KIT: variants seen among roughly 807,000 people sequenced by gnomAD.
The protein encoded by KIT is KIT proto-oncogene, receptor tyrosine kinase.
Under a neutral mutation model 105.7 loss-of-function variants are expected in KIT, and 16 were observed. The ratio of observed to expected loss-of-function variants is 0.15; its 90% CI spans 0.10 to 0.23. The LOEUF (loss-of-function observed/expected upper bound fraction) is 0.23, where lower values mean the gene tolerates loss of function less well. Among genes scored for constraint, KIT ranks in the 10% least tolerant of loss-of-function variants. The pLI, the probability that KIT is intolerant of heterozygous loss-of-function variation, is 1.00. For synonymous variants in KIT, 438 were observed against 441.1 expected (o/e 0.99, Z 0.09); for missense variants, 858 against 1,213.8 (o/e 0.71, Z 4.36).
intron 6 of KIT, 57 bp downstream of exon 6, chr4:54,707,344 T>C: frequency 8.3e-7 from 1 of 1,198,986 alleles, no homozygotes; most frequent in Non-Finnish European, 1.2e-6. Flanking sequence ...CCAGTGGGCT[T>C]ATCAGATCTT....
intron 7 of KIT, among the ~76,000 whole-genome samples, chr4:54,720,748 G>GT (rs1001596370): frequency 6.6e-6 from 1 of 152,160 alleles, no homozygotes; most frequent in African/African-American, 2.4e-5. Flanking sequence ...GGAAGTATGA[G>GT]TATTAAGGGA....
At chr4:54,722,849 ATAT>A (rs1721968910) in intron 7 of KIT, among the ~76,000 whole-genome samples, 1 of 142,792 alleles carries the variant, frequency 7.0e-6, no homozygotes, top group African/African-American at 2.6e-5. Flanking sequence ...ATATTTATAT[ATAT>A]TTTTATATAT....
chr4:54,732,019 A>T, intron 16 of KIT, 21 bp downstream of exon 16: 1 of 1,609,652 alleles, frequency 6.2e-7, no homozygotes, highest in South Asian at 1.1e-5. Context: ...GTGATTCTCT[A>T]AAGAGTTTTG....
At position 54,690,484 on chromosome 4, in the gene KIT, C is replaced by A. The variant is rs1408216447; in HGVS notation, c.68-5028C>A. Among the ~76,000 whole-genome samples the A allele has an allele frequency of 2.6e-5, 4 of 152,224 alleles. No homozygotes were observed. The East Asian group carries it at 5.8e-4, about 22-fold the overall frequency. On this transcript the variant is annotated intron_variant, in intron 1 of 20. Transcript: ENST00000288135. Reference sequence around the variant, plus strand: ...AATAAATAGTTCCCGGAGTTCCTAGCTTAAAGCCGTCATTCCTTATAGTGC... The same window carrying A: ...AATAAATAGTTCCCGGAGTTCCTAGATTAAAGCCGTCATTCCTTATAGTGC...
intron 1 of KIT, among the ~76,000 whole-genome samples, chr4:54,687,753 A>G (rs1484096312): frequency 6.6e-6 from 1 of 152,064 alleles, no homozygotes; most frequent in Admixed American, 6.6e-5. Context: ...CCTTGAATAC[A>G]CATAGAAACA....
At chr4:54,697,710 G>T (rs1203239014) in intron 2 of KIT, among the ~76,000 whole-genome samples, 3 of 152,162 alleles carry the variant, frequency 2.0e-5, no homozygotes, top group South Asian at 2.1e-4. Context: ...CCTATCATGG[G>T]TACTGGGTGG....
chr4:54,696,765 G>A (rs1720097760), intron 2 of KIT, among the ~76,000 whole-genome samples: 1 of 152,216 alleles, frequency 6.6e-6, no homozygotes, highest in Non-Finnish European at 1.5e-5. Flanking sequence ...AAGTTTGACT[G>A]TGCCTCTCCG....
chr4:54,683,255 G>T (rs1237326993), intron 1 of KIT, among the ~76,000 whole-genome samples: 1 of 152,184 alleles, frequency 6.6e-6, no homozygotes, highest in East Asian at 1.9e-4. Context: ...TAAGTAACTT[G>T]CCTAATGATT....
At chr4:54,725,681 G>C (rs544271406) in intron 8 of KIT, among the ~76,000 whole-genome samples, 176 bp from the exon 9 acceptor site, 1 of 152,246 alleles carries the variant, frequency 6.6e-6, no homozygotes, top group East Asian at 1.9e-4. Context: ...CTCTTCCCCA[G>C]TGCTTTTTTC....
At chr4:54,677,998 G>C (rs972899721) in intron 1 of KIT, among the ~76,000 whole-genome samples, 1 of 152,192 alleles carries the variant, frequency 6.6e-6, no homozygotes, top group Non-Finnish European at 1.5e-5. Context: ...TTATTTGCAC[G>C]TTGATTGATG....
intron 1 of KIT, among the ~76,000 whole-genome samples, chr4:54,684,706 A>C (rs1719192694): frequency 1.3e-5 from 2 of 152,174 alleles, no homozygotes; most frequent in Admixed American, 1.3e-4. Context: ...GCAGCACGAC[A>C]AAGCTCCCTT....
chr4:54,713,557 G>A (rs1721287847), intron 7 of KIT, among the ~76,000 whole-genome samples: 1 of 152,134 alleles, frequency 6.6e-6, no homozygotes, highest in Non-Finnish European at 1.5e-5. Context: ...AATAATGAAT[G>A]CATAGTGTTT....
chr4:54,685,904 C>T (rs1577938615), intron 1 of KIT, among the ~76,000 whole-genome samples: 2 of 152,316 alleles, frequency 1.3e-5, no homozygotes, highest in East Asian at 3.9e-4. Flanking sequence ...CCTTAGTTTC[C>T]CAGCTCAGTT....
chr4:54,658,222 C>T (rs1391433178), intron 1 of KIT, 141 bp downstream of exon 1: 2 of 846,352 alleles, frequency 2.4e-6, no homozygotes. Flanking sequence ...GGGGAGACTC[C>T]AGGTGGCCCT....
intron 1 of KIT, among the ~76,000 whole-genome samples, chr4:54,686,381 C>T (rs1178324639): frequency 6.6e-6 from 1 of 152,142 alleles, no homozygotes. Flanking sequence ...TGAGACCTGG[C>T]ATGCAGATAG....
At chr4:54,709,105 A>T (rs1206424820) in intron 6 of KIT, among the ~76,000 whole-genome samples, 7 of 132,932 alleles carry the variant, frequency 5.3e-5, no homozygotes, top group Non-Finnish European at 1.1e-4. Context: ...AGGAAGTGGT[A>T]TGCGGACAGC....
intron 13 of KIT, 39 bp from the exon 14 acceptor site, chr4:54,729,296 A>G (rs2109785555): frequency 6.2e-7 from 1 of 1,608,154 alleles, no homozygotes; most frequent in Non-Finnish European, 8.5e-7. Context: ...TAATCTATAT[A>G]TCTCACCTTC....
At chr4:54,700,158 C>CT (rs1720365417) in intron 4 of KIT, among the ~76,000 whole-genome samples, 3 of 152,148 alleles carry the variant, frequency 2.0e-5, no homozygotes, top group Non-Finnish European at 4.4e-5. Flanking sequence ...GTTGCCACTT[C>CT]CATACTTAAA....
chr4:54,671,046 G>T (rs1254762846), intron 1 of KIT, among the ~76,000 whole-genome samples: 1 of 152,202 alleles, frequency 6.6e-6, no homozygotes, highest in Admixed American at 6.5e-5. Flanking sequence ...CCTACTGCAT[G>T]TCAAGTTTCA....
Sources: allele counts gnomAD v4.1 joint callset (sites outside exome capture counted in the v4.1 genomes callset), GRCh38; gene constraint gnomAD v4.1.1; transcripts MANE v1.5; gene names NCBI Gene and HGNC (gene_info 2026-07-23, HGNC 2026-07-21).